The following INSR variants were observed in gnomAD, a reference collection of about 807,000 sequenced individuals.
The protein encoded by INSR is IR.
In INSR, 67 loss-of-function variants were observed where a neutral mutation model predicts 142.6. The observed-to-expected ratio is 0.47, with a 90% CI of 0.39 to 0.58. The LOEUF (loss-of-function observed/expected upper bound fraction) is 0.58. INSR is among the 20% of genes least tolerant of loss of function. The probability of loss-of-function intolerance (pLI) is 0.00; values close to 1 mark genes in which losing one functional copy is unlikely to be tolerated. For missense variants in INSR, 1,248 were observed against 1,833.2 expected (o/e 0.68, Z 5.83); for synonymous variants, 756 against 743.1 (o/e 1.02, Z -0.28).
chr19:7,207,932 G>A (rs1047447750), intron 2 of INSR, among the ~76,000 whole-genome samples: 1 of 131,890 alleles, frequency 7.6e-6, no homozygotes, highest in African/African-American at 2.9e-5. Context: ...AAGGAAGGAA[G>A]GAAGGAAGGG....
chr19:7,279,868 G>A (rs975302512), intron 1 of INSR, among the ~76,000 whole-genome samples: 3 of 151,858 alleles, frequency 2.0e-5, no homozygotes, highest in South Asian at 4.2e-4. Flanking sequence ...CCAGCTACTC[G>A]GGAGGTTGAG....
At chr19:7,124,277 G>A (rs1336116468) in intron 17 of INSR, among the ~76,000 whole-genome samples, 1 of 150,500 alleles carries the variant, frequency 6.6e-6, no homozygotes, top group East Asian at 2.0e-4. Flanking sequence ...GCTGAGGCAG[G>A]ATAATTGCTT....
At chr19:7,206,855 A>T (rs920005058) in intron 2 of INSR, among the ~76,000 whole-genome samples, 27 of 152,180 alleles carry the variant, frequency 1.8e-4, no homozygotes, top group African/African-American at 6.5e-4. Flanking sequence ...CACGTTGTCA[A>T]CCACACTTCC....
At chr19:7,230,151 T>C (rs1402548055) in intron 2 of INSR, among the ~76,000 whole-genome samples, 2 of 152,016 alleles carry the variant, frequency 1.3e-5, no homozygotes, top group Non-Finnish European at 2.9e-5. Context: ...AGCACCTGGC[T>C]CTCAGCAGAT....
In INSR at chr19:7,152,743, G is replaced by A. The variant is rs1328521205; in HGVS notation, c.2214C>T (p.Asn738=). The part of the protein sequence containing the change: ...FRKTFEDYLH[N]VVFVPRKTSS... Reference sequence around the variant, plus strand: ...GTCCTGACCTGGGGACGAAAACCACGTTGTGCAGGTAATCCTCAAACGTCT... The same window carrying A: ...GTCCTGACCTGGGGACGAAAACCACATTGTGCAGGTAATCCTCAAACGTCT... The change falls in exon 10 of 22, where the codon AAC becomes AAT. Residue 738 remains asparagine (N), a synonymous_variant. Transcript: ENST00000302850. 9 of 1,612,710 alleles carry A rather than the reference G, an allele frequency of 5.6e-6. No homozygotes were observed. The Admixed American group carries it at 1.5e-4, about 27-fold the overall frequency.
chr19:7,219,205 A>G (rs533151528), intron 2 of INSR, among the ~76,000 whole-genome samples: 14 of 152,154 alleles, frequency 9.2e-5, no homozygotes, highest in African/African-American at 2.9e-4. Flanking sequence ...TCAGGATAAA[A>G]CTGCAGGGGT....
intron 1 of INSR, among the ~76,000 whole-genome samples, chr19:7,287,853 T>C (rs776586332): frequency 1.1e-4 from 16 of 152,202 alleles, no homozygotes; most frequent in Non-Finnish European, 2.1e-4. Context: ...CGCTGTTCTG[T>C]AAAGGGCCAA....
chr19:7,139,493 G>A (rs985237039), intron 13 of INSR, among the ~76,000 whole-genome samples: 2 of 152,114 alleles, frequency 1.3e-5, no homozygotes, highest in Non-Finnish European at 2.9e-5. Context: ...GGCTATTGTG[G>A]ACAGAGACAT....
intron 13 of INSR, 57 bp from the exon 14 acceptor site, chr19:7,132,374 T>C: frequency 6.3e-7 from 1 of 1,581,292 alleles, no homozygotes; most frequent in Non-Finnish European, 8.6e-7. Flanking sequence ...TCTGGGAGTG[T>C]CCACCCCTCG....
At chr19:7,219,507 GGGAACGAAGGAAAGAA>G (rs1975538525) in intron 2 of INSR, among the ~76,000 whole-genome samples, 1 of 129,038 alleles carries the variant, frequency 7.7e-6, no homozygotes, top group African/African-American at 2.9e-5. Context: ...GAGGGAGGGA[GGGAACGAAGGAAAGAA>G]GGAAGGAAGG....
At chr19:7,253,361 C>A (rs569826993) in intron 2 of INSR, among the ~76,000 whole-genome samples, 1 of 152,170 alleles carries the variant, frequency 6.6e-6, no homozygotes, top group South Asian at 2.1e-4. Context: ...GCCTCAGCCC[C>A]CCGAGTAGCT....
chr19:7,138,733 T>G (rs1374835619), intron 13 of INSR, among the ~76,000 whole-genome samples: 2 of 152,174 alleles, frequency 1.3e-5, no homozygotes, highest in African/African-American at 2.4e-5. Context: ...GTCTTCCATG[T>G]GTCCATTCTC....
chr19:7,135,967 C>CAAAAAAA (rs1012987600), intron 13 of INSR, among the ~76,000 whole-genome samples: 4 of 92,838 alleles, frequency 4.3e-5, no homozygotes, highest in African/African-American at 1.7e-4. Context: ...GACTCCATCT[C>CAAAAAAA]AAAAAAAAAA....
chr19:7,178,714 G>A (rs565663076), intron 3 of INSR, among the ~76,000 whole-genome samples: 26 of 148,600 alleles, frequency 1.7e-4, no homozygotes, highest in African/African-American at 5.9e-4. Flanking sequence ...GTGAGACTCC[G>A]TCTCAAAACA....
At chr19:7,290,044 C>T (rs111960831) in intron 1 of INSR, among the ~76,000 whole-genome samples, 19 of 152,166 alleles carry the variant, frequency 1.2e-4, no homozygotes, top group Non-Finnish European at 2.2e-4. Context: ...AGCCCACACC[C>T]TGTGGTCTCT....
intron 2 of INSR, among the ~76,000 whole-genome samples, chr19:7,266,926 G>C (rs999777914): frequency 7.2e-5 from 11 of 152,036 alleles, no homozygotes; most frequent in South Asian, 4.1e-4. Context: ...TAAAAAAACC[G>C]AATCTACAGT....
rs898299432 is a variant in INSR at position 7,119,829 on chromosome 19, AAC to A, written c.3660-248_3660-247del. On this transcript the variant is annotated intron_variant, in intron 20 of 21. Transcript: ENST00000302850. This position sits in a 1 kb window ranked among gnomAD's most constrained non-coding sequence, Gnocchi z 5.2. ...ACACACAAACACATATACACACACA[AAC>A]ACACACACCCAAACACACACACGCA... Among the ~76,000 whole-genome samples, 3 of 40,162 alleles carry A rather than the reference AAC, an allele frequency of 7.5e-5. No individual in the cohort carries two copies. The highest frequency in any genetic ancestry group is 3.5e-4 in the Admixed American group (1 of 2,874). The allele number at this position is 40,162 out of a possible 152,430, so 26.3% of individuals were successfully genotyped here. A position where few individuals can be genotyped will look rare whatever the true frequency, so the allele number is the denominator to read the frequency against.
intron 2 of INSR, among the ~76,000 whole-genome samples, chr19:7,222,128 A>T (rs991049963): frequency 1.6e-3 from 1 of 628 alleles, no homozygotes; most frequent in Non-Finnish European, 4.6e-3. Context: ...TGTCCTCGGT[A>T]AAAAAAAAAA....
At position 7,152,703 on chromosome 19, in the gene INSR, A is replaced by T. The variant is rs779378433; in HGVS notation, c.2231+23T>A. ...ACCAAGCCAATTGGCACCCACTAAG[A>T]GAGCCCAGCGCCAAGTCCTGACCTG... is the stretch of plus-strand genomic sequence containing the variant. On this transcript the variant is annotated intron_variant, in intron 10 of 21. Transcript: ENST00000302850. 1.1e-5 allele frequency: 17 copies of T among 1,599,828 alleles called. No individual in the cohort carries two copies. The African/African-American group carries it at 2.0e-4, about 19-fold the overall frequency.
Sources: allele counts gnomAD v4.1 joint callset (sites outside exome capture counted in the v4.1 genomes callset), GRCh38; gene constraint gnomAD v4.1.1; non-coding constraint Gnocchi (gnomAD v3.1); transcripts MANE v1.5; gene names NCBI Gene and HGNC (gene_info 2026-07-23, HGNC 2026-07-21).